The following POMGNT2 variants were observed in gnomAD, a reference collection of about 807,000 sequenced individuals.
The protein encoded by POMGNT2 is protein O-linked-mannose beta-1,4-N-acetylglucosaminyltransferase 2.
POMGNT2 carries 32 observed loss-of-function variants against 37.8 expected under a neutral mutation model. The observed-to-expected ratio is 0.85, with a 90% confidence interval of 0.64 to 1.14. POMGNT2 has a LOEUF of 1.14. Ranked by LOEUF, POMGNT2 falls within the 50% of genes most tolerant of loss-of-function variation. The pLI, the probability that POMGNT2 is intolerant of heterozygous loss-of-function variation, is 0.00. For missense variants in POMGNT2, 705 were observed against 780.6 expected (o/e 0.90, Z 1.15); for synonymous variants, 340 against 336.8 (o/e 1.01, Z -0.10).
intron 1 of POMGNT2, among the ~76,000 whole-genome samples, chr3:43,095,275 T>C (rs562235442): frequency 1.3e-5 from 2 of 152,346 alleles, no homozygotes; most frequent in South Asian, 4.1e-4. Context: ...ATTTTGTCTC[T>C]ACTTAGTGCC....
intron 1 of POMGNT2, among the ~76,000 whole-genome samples, chr3:43,102,227 G>C (rs181888052): frequency 6.6e-6 from 1 of 152,292 alleles, no homozygotes; most frequent in Non-Finnish European, 1.5e-5. Flanking sequence ...AAGGACCCCG[G>C]GGTGTGTTTC....
chr3:43,081,185 A>G lies in POMGNT2; in HGVS notation c.247T>C (p.Trp83Arg), dbSNP rs755998294. 6.2e-7 allele frequency: 1 copy of G among 1,614,190 alleles called. No individual in the cohort carries two copies. The highest frequency in any genetic ancestry group is 8.5e-7 in the Non-Finnish European group (1 of 1,180,030). ...THTDRICRFK[W>R]LCYSNEAEEF... Reference sequence around the variant, plus strand: ...TCAGCCTCGTTGGAGTAGCAGAGCCACTTGAAGCGGCAGATGCGGTCTGTG... The same window carrying G: ...TCAGCCTCGTTGGAGTAGCAGAGCCGCTTGAAGCGGCAGATGCGGTCTGTG... The change falls in exon 2 of 2, where the codon TGG becomes CGG. Residue 83 changes from tryptophan to arginine, a missense_variant. Physicochemically the swap from Trp to Arg is moderately radical, Grantham distance 101 (BLOSUM62 -3). Transcript: ENST00000344697.
chr3:43,080,844 G>A lies in POMGNT2; in HGVS notation c.588C>T (p.Gly196=), dbSNP rs755425952. 1.5e-5 allele frequency: 25 copies of A among 1,613,952 alleles called. No individual in the cohort carries two copies. In the Middle Eastern group the frequency reaches 4.9e-4, roughly 32 times the overall value. The change falls in exon 2 of 2, where the codon GGC becomes GGT. Residue 196 remains glycine, a synonymous_variant. Coordinates refer to ENST00000344697, the MANE Select transcript of POMGNT2 (RefSeq NM_032806.6). ...AHEARLFFME[G]WGEGAHFDLY... is the part of the protein sequence containing the mutation. ...GGTCGAAGTGTGCACCCTCGCCCCAGCCCTCCATGAAGAAGAGCCGTGCCT... is the reference window on the plus strand; with the variant it reads ...GGTCGAAGTGTGCACCCTCGCCCCAACCCTCCATGAAGAAGAGCCGTGCCT...
At chr3:43,099,983 TTA>T (rs2090005750) in intron 1 of POMGNT2, among the ~76,000 whole-genome samples, 1 of 152,158 alleles carries the variant, frequency 6.6e-6, no homozygotes, top group African/African-American at 2.4e-5. Flanking sequence ...AAAGCCAAGT[TTA>T]CAGAGGAAGC....
Position 43,079,489 on chromosome 3 carries a change from T to C in POMGNT2, c.*200A>G, listed in dbSNP as rs2089825179. The stretch of plus-strand genomic sequence containing the variant: ...TCTCCAGGGGTACAAATGTTCAGGA[T>C]GGGAGAAGGGGAAGTCAGGTCCCTT... On this transcript the variant is annotated 3_prime_UTR_variant, in exon 2 of 2. Coordinates refer to ENST00000344697, the MANE Select transcript of POMGNT2 (RefSeq NM_032806.6). 1 of 543,190 alleles carries C rather than the reference T, an allele frequency of 1.8e-6. No homozygotes were observed. The highest frequency in any genetic ancestry group is 1.9e-5 in the African/African-American group (1 of 52,320). The allele number at this position is 543,190 out of a possible 1,614,324, so 33.6% of individuals were successfully genotyped here. A position where few individuals can be genotyped will look rare whatever the true frequency, so the allele number is the denominator to read the frequency against.
chr3:43,089,597 C>G (rs1353228574), intron 1 of POMGNT2, among the ~76,000 whole-genome samples: 1 of 152,034 alleles, frequency 6.6e-6, no homozygotes, highest in Admixed American at 6.5e-5. Flanking sequence ...CAGAGTCTCC[C>G]CATTTAATAC....
At position 43,081,527 on chromosome 3, in the gene POMGNT2, T is replaced by G; in HGVS notation, c.-96A>C. ...CCATCCCTATGGGCATCCTGAGAACTGGTGAAAGCCTGCAGGAGGAGAGAA... is the reference window on the plus strand; with the variant it reads ...CCATCCCTATGGGCATCCTGAGAACGGGTGAAAGCCTGCAGGAGGAGAGAA... On this transcript the variant is annotated 5_prime_UTR_variant, in exon 2 of 2. Transcript: ENST00000344697. The G allele has an allele frequency of 9.5e-7, 1 of 1,048,862 alleles. No individual in the cohort carries two copies. The allele number at this position is 1,048,862 out of a possible 1,614,324, so 65.0% of individuals were successfully genotyped here.
intron 1 of POMGNT2, among the ~76,000 whole-genome samples, chr3:43,101,759 A>G (rs997871104): frequency 6.6e-6 from 1 of 152,200 alleles, no homozygotes; most frequent in Non-Finnish European, 1.5e-5. Context: ...AGTATCAGTA[A>G]AGGCTAAATA....
intron 1 of POMGNT2, among the ~76,000 whole-genome samples, chr3:43,089,323 T>C (rs1258607423): frequency 6.6e-6 from 1 of 152,162 alleles, no homozygotes; most frequent in Non-Finnish European, 1.5e-5. Flanking sequence ...ATGTGATATC[T>C]GAACAGTACA....
At chr3:43,084,342 AT>A (rs1379829196) in intron 1 of POMGNT2, among the ~76,000 whole-genome samples, 1 of 151,988 alleles carries the variant, frequency 6.6e-6, no homozygotes, top group African/African-American at 2.4e-5. Flanking sequence ...CCAATGCTAG[AT>A]TAAAAAAAAA....
chr3:43,088,614 G>A (rs1478571209), intron 1 of POMGNT2, among the ~76,000 whole-genome samples: 2 of 152,334 alleles, frequency 1.3e-5, no homozygotes, highest in East Asian at 1.9e-4. Flanking sequence ...TGGCCCAGCC[G>A]TGGCAAAGTT....
chr3:43,083,941 T>C (rs1300097908), intron 1 of POMGNT2, among the ~76,000 whole-genome samples: 1 of 152,240 alleles, frequency 6.6e-6, no homozygotes, highest in Non-Finnish European at 1.5e-5. Context: ...TTTTCCTTCA[T>C]GTCGAAATGT....
At chr3:43,100,777 C>A (rs1179517449) in intron 1 of POMGNT2, among the ~76,000 whole-genome samples, 1 of 152,140 alleles carries the variant, frequency 6.6e-6, no homozygotes, top group Non-Finnish European at 1.5e-5. Flanking sequence ...AACTTATGAT[C>A]TTGACAATTT....
intron 1 of POMGNT2, among the ~76,000 whole-genome samples, chr3:43,096,224 C>T (rs1182522959): frequency 6.6e-6 from 1 of 152,160 alleles, no homozygotes; most frequent in Non-Finnish European, 1.5e-5. Flanking sequence ...GATTCCCGTG[C>T]TGTACCTCCC....
In POMGNT2 at chr3:43,080,017, C is replaced by T. The variant is rs147074827; in HGVS notation, c.1415G>A (p.Arg472Gln). The T allele has an allele frequency of 4.3e-5, 69 of 1,613,814 alleles. No homozygotes were observed. The highest frequency in any genetic ancestry group is 1.0e-4 in the Admixed American group (6 of 60,010). ...RRVVKGRPGP[R>Q]KQKWTVGLYP... ...TAGGCCGACTGTCCACTTCTGCTTC[C>T]GTGGTCCTGGCCGGCCCTTCACCAC... The change falls in exon 2 of 2, where the codon CGG becomes CAG. Residue 472 changes from arginine (R) to glutamine (Q), a missense_variant. Transcript: ENST00000344697.
Position 43,087,115 on chromosome 3 carries a change from A to C in POMGNT2, c.-105-5579T>G, listed in dbSNP as rs147085371. ...AAACCATTAGAAGCAAAATAGAAGA[A>C]AGGAAGGATTCTCCCCTAGAGCCTT... On this transcript the variant is annotated intron_variant, in intron 1 of 1. Coordinates refer to ENST00000344697, the MANE Select transcript of POMGNT2 (RefSeq NM_032806.6). 4.6e-5 allele frequency among the ~76,000 whole-genome samples: 7 copies of C among 152,234 alleles called. No homozygotes were observed. The East Asian group carries it at 1.4e-3, about 29-fold the overall frequency.
Position 43,081,273 on chromosome 3 carries a change from G to C in POMGNT2, c.159C>G (p.Tyr53Ter). 1 of 1,613,452 alleles carries C rather than the reference G, an allele frequency of 6.2e-7. No individual in the cohort carries two copies. The highest frequency in any genetic ancestry group is 1.1e-5 in the South Asian group (1 of 91,084). ...TEPAPALRID[Y>*]PKALQILMEG... ...CCATCAGGATCTGCAGTGCCTTCGG[G>C]TAGTCGATCCTCAGTGCTGGGGCTG... Residue 53 changes from tyrosine (Y) to a stop codon, truncating the protein, a stop_gained, in exon 2 of 2, where the codon TAC (tyrosine) becomes TAG (stop). Coordinates refer to ENST00000344697, the MANE Select transcript of POMGNT2 (RefSeq NM_032806.6). LOFTEE classifies it high-confidence loss of function.
intron 1 of POMGNT2, among the ~76,000 whole-genome samples, chr3:43,097,809 C>T (rs2089990616): frequency 6.6e-6 from 1 of 152,186 alleles, no homozygotes; most frequent in South Asian, 2.1e-4. Context: ...GGCAATTATT[C>T]AAATTGAGTG....
chr3:43,091,555 C>G (rs1052418929), intron 1 of POMGNT2, among the ~76,000 whole-genome samples: 1 of 152,150 alleles, frequency 6.6e-6, no homozygotes, highest in Non-Finnish European at 1.5e-5. Flanking sequence ...GCAAGATCTG[C>G]TGATAGATAC....
Sources: gnomAD v4.1 joint callset for allele counts (sites outside exome capture counted in the v4.1 genomes callset) on GRCh38, gnomAD v4.1.1 for gene constraint, MANE v1.5 for transcripts, NCBI Gene and HGNC (gene_info 2026-07-23, HGNC 2026-07-21) for gene names.